SLC1A2: variants seen among roughly 807,000 people sequenced by gnomAD.
The protein encoded by SLC1A2 is excitatory amino acid transporter 2.
Under a neutral mutation model 48.8 loss-of-function variants are expected in SLC1A2, and 15 were observed. The observed-to-expected ratio is 0.31, with a 90% CI of 0.21 to 0.47. SLC1A2 has a LOEUF of 0.47. SLC1A2 is among the 20% of genes least tolerant of loss of function. SLC1A2 has a pLI of 0.99. For synonymous variants in SLC1A2, 279 were observed against 272.6 expected (o/e 1.02, Z -0.23); for missense variants, 502 against 730.5 (o/e 0.69, Z 3.61).
At chr11:35,411,480 G>A (rs534655945) in intron 1 of SLC1A2, among the ~76,000 whole-genome samples, 137 of 152,160 alleles carry the variant, frequency 9.0e-4, no homozygotes, top group African/African-American at 3.1e-3. Flanking sequence ...TTGCTATGTT[G>A]CCCAGGTTGG....
intron 1 of SLC1A2, chr11:35,374,266 TG>T: frequency 1.0e-6 from 1 of 968,734 alleles, no homozygotes. Flanking sequence ...AGCTGAGAAA[TG>T]GAACTCTTAA....
intron 1 of SLC1A2, among the ~76,000 whole-genome samples, chr11:35,353,320 C>T (rs1853335080): frequency 6.6e-6 from 1 of 152,166 alleles, no homozygotes; most frequent in Non-Finnish European, 1.5e-5. Context: ...AGAAGCAATG[C>T]CTCAGCTTCT....
intron 6 of SLC1A2, among the ~76,000 whole-genome samples, chr11:35,294,006 G>T (rs925701354): frequency 6.6e-6 from 1 of 152,156 alleles, no homozygotes; most frequent in African/African-American, 2.4e-5. Flanking sequence ...TATGTGTGCT[G>T]CTAAAAACCC....
At chr11:35,316,180 C>A (rs1437288947) in intron 2 of SLC1A2, 1 of 152,204 alleles carries the variant, frequency 6.6e-6, no homozygotes, top group African/African-American at 2.4e-5. Context: ...GGATCTTTCA[C>A]TTTACAGACT....
intron 1 of SLC1A2, among the ~76,000 whole-genome samples, chr11:35,368,556 G>A (rs761070958): frequency 2.6e-5 from 4 of 152,212 alleles, no homozygotes; most frequent in Non-Finnish European, 4.4e-5. Flanking sequence ...AGGTCCAGTT[G>A]AGTAATCTAT....
intron 1 of SLC1A2, among the ~76,000 whole-genome samples, chr11:35,379,652 G>T (rs1158208429): frequency 6.6e-6 from 1 of 152,180 alleles, no homozygotes; most frequent in Non-Finnish European, 1.5e-5. Context: ...TCCGGGGCAC[G>T]CAGGCTTCCT....
intron 1 of SLC1A2, among the ~76,000 whole-genome samples, chr11:35,386,097 C>T (rs1162476035): frequency 2.6e-5 from 4 of 152,064 alleles, no homozygotes; most frequent in East Asian, 1.9e-4. Context: ...ACCCGGGAGG[C>T]GGAGCTTGCA....
chr11:35,282,295 G>A (rs570058409), intron 8 of SLC1A2, among the ~76,000 whole-genome samples: 80 of 152,206 alleles, frequency 5.3e-4, no homozygotes, highest in African/African-American at 1.2e-3. Flanking sequence ...GTGCTCAGCC[G>A]TGAAAGTTCT....
At chr11:35,373,096 A>G (rs537006329) in intron 1 of SLC1A2, among the ~76,000 whole-genome samples, 148 of 152,308 alleles carry the variant, frequency 9.7e-4, no homozygotes, top group African/African-American at 3.3e-3. Context: ...CAGAAGCACG[A>G]CACACCAGAG....
chr11:35,254,977 G>A lies in SLC1A2; in HGVS notation c.*5917C>T. 3 of 301,744 alleles carry A rather than the reference G, an allele frequency of 9.9e-6. No individual in the cohort carries two copies. Among genetic ancestry groups the A allele is most frequent in the South Asian group, 8.1e-5 (3 of 36,898 alleles). The allele number at this position is 301,744 out of a possible 1,614,324, so 18.7% of individuals were successfully genotyped here. The stretch of plus-strand genomic sequence containing the variant: ...AGGGGCATCTCTCACTTTTCTACAG[G>A]TTCTTATCTGGGTCAATGAAGAAAT... On this transcript the variant is annotated 3_prime_UTR_variant, in exon 11 of 11. Coordinates refer to ENST00000278379, the MANE Select transcript of SLC1A2 (RefSeq NM_004171.4).
chr11:35,357,315 A>G (rs1042722421), intron 1 of SLC1A2, among the ~76,000 whole-genome samples: 42 of 152,186 alleles, frequency 2.8e-4, no homozygotes, highest in Admixed American at 1.2e-3. Flanking sequence ...TTAATTTTAG[A>G]TCTCTATTAA....
rs527367828 is a variant in SLC1A2 at position 35,397,374 on chromosome 11, G to A, written c.17+21576C>T. On this transcript the variant is annotated intron_variant, in intron 1 of 10. Coordinates refer to ENST00000278379, the MANE Select transcript of SLC1A2 (RefSeq NM_004171.4). ...GAACAGAGCCCTCAGAAATAACGCC[G>A]CATACCTACAACTATCTGATCTTTG... Among the ~76,000 whole-genome samples the A allele has an allele frequency of 2.5e-3, 358 of 142,200 alleles. 1 individual carries two copies. Among genetic ancestry groups the A allele is most frequent in the African/African-American group, 7.9e-3 (310 of 39,250 alleles). 93.3% of individuals were successfully genotyped at this position (142,200 alleles called of 152,430 possible). A position where few individuals can be genotyped will look rare whatever the true frequency, so the allele number is the denominator to read the frequency against.
At chr11:35,322,199 T>C (rs1201289643) in intron 1 of SLC1A2, among the ~76,000 whole-genome samples, 1 of 152,172 alleles carries the variant, frequency 6.6e-6, no homozygotes, top group Non-Finnish European at 1.5e-5. Context: ...TTCTTTCTCA[T>C]GCAAATCCAC....
chr11:35,304,387 G>C (rs1448096791), intron 5 of SLC1A2, among the ~76,000 whole-genome samples: 2 of 152,114 alleles, frequency 1.3e-5, no homozygotes, highest in African/African-American at 4.8e-5. Flanking sequence ...CACCAGAAAA[G>C]ACCATGGGGG....
intron 3 of SLC1A2, among the ~76,000 whole-genome samples, chr11:35,314,364 T>C (rs771321402): frequency 6.6e-6 from 1 of 152,196 alleles, no homozygotes; most frequent in Non-Finnish European, 1.5e-5. Context: ...CTTTTCCATC[T>C]ATTACCTTTA....
intron 6 of SLC1A2, among the ~76,000 whole-genome samples, chr11:35,295,869 G>A (rs1851156884): frequency 6.6e-6 from 1 of 151,846 alleles, no homozygotes. Context: ...TCGGTGTCCA[G>A]GTGCCAGAAA....
chr11:35,406,980 A>G (rs1034500662), intron 1 of SLC1A2, among the ~76,000 whole-genome samples: 1 of 152,200 alleles, frequency 6.6e-6, no homozygotes. Context: ...ACTGGGTCCA[A>G]TAAAATTTTC....
chr11:35,407,631 C>G (rs1380857109), intron 1 of SLC1A2, among the ~76,000 whole-genome samples: 1 of 152,246 alleles, frequency 6.6e-6, no homozygotes, highest in Non-Finnish European at 1.5e-5. Context: ...CTTTGCTGAC[C>G]CAGCTCTGGC....
Position 35,265,718 on chromosome 11 carries a change from A to C in SLC1A2, c.1462T>G (p.Phe488Val). 6.2e-7 allele frequency: 1 copy of C among 1,613,990 alleles called. No individual in the cohort carries two copies. The highest frequency in any genetic ancestry group is 8.5e-7 in the Non-Finnish European group (1 of 1,179,846). Residue 488 changes from phenylalanine to valine, a missense_variant, in exon 10 of 11, where the codon TTT becomes GTT. Phe to Val is a conservative substitution (Grantham distance 50, BLOSUM62 -1). This residue lies in a region of SLC1A2 where 102 missense variants were observed against 107.2 expected (regional missense o/e 0.95). Coordinates refer to ENST00000278379, the MANE Select transcript of SLC1A2 (RefSeq NM_004171.4). Reference sequence around the variant, plus strand: ...AGGTGATAGACTATCCCAGCCCCAAAAGAGTCACCCACAACATTGACTGAA... The same window carrying C: ...AGGTGATAGACTATCCCAGCCCCAACAGAGTCACCCACAACATTGACTGAA... ...RTSVNVVGDS[F>V]GAGIVYHLSK...
Sources: gnomAD v4.1 joint callset for allele counts (sites outside exome capture counted in the v4.1 genomes callset) on GRCh38, gnomAD v4.1.1 for gene constraint, gnomAD v4.1.1 regional missense constraint, MANE v1.5 for transcripts, NCBI Gene and HGNC (gene_info 2026-07-23, HGNC 2026-07-21) for gene names.